The following ADAMTSL1 variants were observed in gnomAD, a reference collection of about 807,000 sequenced individuals.
The protein encoded by ADAMTSL1 is ADAMTS-like protein 1.
A neutral mutation model predicts 201.8 loss-of-function variants in ADAMTSL1; 126 were observed. That is an observed-to-expected ratio of 0.62 (90% CI 0.54 to 0.72). ADAMTSL1 has a LOEUF of 0.72. ADAMTSL1 is among the 30% of genes least tolerant of loss of function. The pLI, the probability that ADAMTSL1 is intolerant of heterozygous loss-of-function variation, is 0.00. For missense variants in ADAMTSL1, 2,679 were observed against 2,277.8 expected, an observed-to-expected ratio of 1.18 and a Z score of -3.59; for synonymous variants, 1,121 against 903.4, an observed-to-expected ratio of 1.24 and a Z score of -4.32.
intron 1 of ADAMTSL1, among the ~76,000 whole-genome samples, chr9:18,038,808 A>G (rs1821314903): frequency 6.6e-6 from 1 of 152,186 alleles, no homozygotes; most frequent in Admixed American, 6.5e-5. Context: ...TGCTTGTTCC[A>G]CTTCTCCATT....
At chr9:18,718,549 A>G (rs575375140) in intron 14 of ADAMTSL1, 187 of 494,482 alleles carry the variant, frequency 3.8e-4, no homozygotes, top group Non-Finnish European at 5.5e-4. Context: ...GTCGAAACCT[A>G]GTACCTCTCA....
chr9:18,618,899 C>A (rs930666370), intron 4 of ADAMTSL1, among the ~76,000 whole-genome samples: 6 of 152,054 alleles, frequency 3.9e-5, no homozygotes. Context: ...AAATTGGGGT[C>A]CAGTACAAGA....
intron 2 of ADAMTSL1, among the ~76,000 whole-genome samples, chr9:18,252,860 T>C (rs536606379): frequency 7.9e-5 from 12 of 152,340 alleles, no homozygotes; most frequent in South Asian, 4.1e-4. Flanking sequence ...CAAATACATA[T>C]GCTTTGACTA....
chr9:18,257,985 T>C (rs1480319232), intron 2 of ADAMTSL1, among the ~76,000 whole-genome samples: 1 of 152,184 alleles, frequency 6.6e-6, no homozygotes. Flanking sequence ...AGTTATTGTT[T>C]CCTGGGTACA....
chr9:18,886,711 G>A lies in ADAMTSL1; in HGVS notation c.4250-1120G>A, dbSNP rs375579120. Among the ~76,000 whole-genome samples, 7 of 152,256 alleles carry A rather than the reference G, an allele frequency of 4.6e-5. No homozygotes were observed. In the East Asian group the frequency reaches 5.8e-4, roughly 13 times the overall value. ...TTTTATGGGGACACTAATCTCATTCGTGAGGACAGAGCCCATGTGACAGAA... is the reference window on the plus strand; with the variant it reads ...TTTTATGGGGACACTAATCTCATTCATGAGGACAGAGCCCATGTGACAGAA... On this transcript the variant is annotated intron_variant, in intron 23 of 28. Transcript: ENST00000380548.
At chr9:18,219,304 T>A (rs1017804817) in intron 2 of ADAMTSL1, among the ~76,000 whole-genome samples, 1 of 151,684 alleles carries the variant, frequency 6.6e-6, no homozygotes, top group East Asian at 1.9e-4. Flanking sequence ...TGATATTTTA[T>A]CCTCTTACCT....
At chr9:17,991,740 C>T (rs953272033) in intron 1 of ADAMTSL1, among the ~76,000 whole-genome samples, 4 of 152,126 alleles carry the variant, frequency 2.6e-5, no homozygotes, top group African/African-American at 4.8e-5. Flanking sequence ...GTCAGACCTG[C>T]CTCAGATTTC....
intron 2 of ADAMTSL1, among the ~76,000 whole-genome samples, chr9:18,218,508 AAGTCTTTC>A (rs1169451226): frequency 6.6e-6 from 1 of 152,184 alleles, no homozygotes; most frequent in Non-Finnish European, 1.5e-5. Flanking sequence ...TAAACTGATA[AAGTCTTTC>A]TTTGATTACA....
chr9:18,637,836 A>T (rs892009887), intron 6 of ADAMTSL1, among the ~76,000 whole-genome samples: 1 of 152,114 alleles, frequency 6.6e-6, no homozygotes, highest in Non-Finnish European at 1.5e-5. Context: ...CCCTTGGCTC[A>T]TCTTTAATTA....
intron 2 of ADAMTSL1, among the ~76,000 whole-genome samples, chr9:18,380,334 G>A (rs941040512): frequency 2.6e-5 from 4 of 152,150 alleles, no homozygotes; most frequent in African/African-American, 4.8e-5. Context: ...GAAACAAAAA[G>A]AGAGGCATAA....
intron 23 of ADAMTSL1, among the ~76,000 whole-genome samples, chr9:18,837,935 T>C (rs1445702065): frequency 6.6e-6 from 1 of 152,228 alleles, no homozygotes; most frequent in African/African-American, 2.4e-5. Flanking sequence ...TCTTTCCTAC[T>C]GTATCTCTGT....
intron 7 of ADAMTSL1, among the ~76,000 whole-genome samples, chr9:18,653,228 C>A (rs1828406775): frequency 6.6e-6 from 1 of 152,154 alleles, no homozygotes; most frequent in South Asian, 2.1e-4. Flanking sequence ...GATCCCTGCC[C>A]AATCCTGCCT....
In ADAMTSL1 at chr9:18,543,806, G is replaced by T. The variant is rs150180068; in HGVS notation, c.237+10514G>T. Among the ~76,000 whole-genome samples, 257 of 152,224 alleles carry T rather than the reference G, an allele frequency of 1.7e-3. 1 individual carries two copies. The highest frequency in any genetic ancestry group is 6.0e-3 in the African/African-American group (248 of 41,546). On this transcript the variant is annotated intron_variant, in intron 3 of 28. Transcript: ENST00000380548. ...AGGCAGCTGGCCAAGTTCACTGGGT[G>T]CCCCCCAGCCCCAGTAAGTTAGGCC...
chr9:17,937,180 T>A (rs1485879904), intron 1 of ADAMTSL1, among the ~76,000 whole-genome samples: 1 of 152,158 alleles, frequency 6.6e-6, no homozygotes, highest in Non-Finnish European at 1.5e-5. Flanking sequence ...GCATCTTCTC[T>A]AAAATGATGC....
intron 4 of ADAMTSL1, among the ~76,000 whole-genome samples, chr9:18,615,113 G>A (rs1587711540): frequency 6.6e-6 from 1 of 152,122 alleles, no homozygotes; most frequent in Non-Finnish European, 1.5e-5. Flanking sequence ...TTTCCATTAG[G>A]CTTTTGGAAA....
intron 2 of ADAMTSL1, among the ~76,000 whole-genome samples, chr9:18,217,947 C>G (rs918874154): frequency 6.6e-6 from 1 of 151,740 alleles, no homozygotes; most frequent in African/African-American, 2.4e-5. Context: ...TAATTGCCAA[C>G]GGCTGGAATT....
At chr9:18,309,647 C>T (rs57441773) in intron 2 of ADAMTSL1, among the ~76,000 whole-genome samples, 10,402 of 150,590 alleles carry the variant, frequency 0.069, 1,140 homozygotes, top group African/African-American at 0.24. Flanking sequence ...AAGGACCTCA[C>T]CAAGAACTAA....
At chr9:17,996,330 C>T (rs983736948) in intron 1 of ADAMTSL1, among the ~76,000 whole-genome samples, 1 of 151,968 alleles carries the variant, frequency 6.6e-6, no homozygotes, top group Non-Finnish European at 1.5e-5. Flanking sequence ...CTTTTACTTC[C>T]TTGGCACACA....
upstream of ADAMTSL1, among the ~76,000 whole-genome samples, chr9:18,471,659 A>C (rs1438026140): frequency 6.6e-6 from 1 of 152,206 alleles, no homozygotes; most frequent in Non-Finnish European, 1.5e-5. Context: ...TGCTTTTCCT[A>C]GTTTCTCTGG....
Sources: allele counts gnomAD v4.1 joint callset (sites outside exome capture counted in the v4.1 genomes callset), GRCh38; gene constraint gnomAD v4.1.1; transcripts MANE v1.5; gene names NCBI Gene and HGNC (gene_info 2026-07-23, HGNC 2026-07-21).